ABL2: variants seen among roughly 807,000 people sequenced by gnomAD.
ABL2 encodes ABL proto-oncogene 2, non-receptor tyrosine kinase, also known as tyrosine-protein kinase ABL2.
ABL2 carries 49 observed loss-of-function variants against 107.7 expected under a neutral mutation model. The ratio of observed to expected loss-of-function variants is 0.45; its 90% CI spans 0.36 to 0.58. The LOEUF (loss-of-function observed/expected upper bound fraction) is 0.58, where lower values mean the gene tolerates loss of function less well. ABL2 is among the 20% of genes least tolerant of loss of function. The pLI is 0.00. For synonymous variants in ABL2, 549 were observed against 548.6 expected, an observed-to-expected ratio of 1.00 and a Z score of -0.01; for missense variants, 1,245 against 1,457.0, an observed-to-expected ratio of 0.85 and a Z score of 2.37.
rs1656541598 is a variant in ABL2 at position 179,133,451 on chromosome 1, T to C, written c.158-77A>G. The stretch of plus-strand genomic sequence containing the variant: ...TTTAACATCAAGCTAAAGTCTCCTT[T>C]TCATGGCATTCAAAGGCCTTTCATG... On this transcript the variant is annotated intron_variant, in intron 1 of 11. Coordinates refer to ENST00000502732, the MANE Select transcript of ABL2 (RefSeq NM_007314.4). 1.7e-5 allele frequency: 27 copies of C among 1,611,184 alleles called. No homozygotes were observed. In the South Asian group the frequency reaches 2.6e-4, roughly 16 times the overall value.
intron 1 of ABL2, among the ~76,000 whole-genome samples, chr1:179,170,526 C>T (rs889931142): frequency 2.0e-5 from 3 of 152,136 alleles, no homozygotes; most frequent in African/African-American, 7.2e-5. Context: ...AAGCGATTCC[C>T]CTGCCTCAGC....
Position 179,107,613 on chromosome 1 carries a change from C to T in ABL2, c.*105G>A. On this transcript the variant is annotated 3_prime_UTR_variant, in exon 12 of 12. Coordinates refer to ENST00000502732, the MANE Select transcript of ABL2 (RefSeq NM_007314.4). ...ATCTGAGGTACTTCACATAAACACA[C>T]TCAAGTATGAGTCTTTCATTTTCTG... 2.0e-6 allele frequency: 3 copies of T among 1,510,218 alleles called. No homozygotes were observed. Among genetic ancestry groups the T allele is most frequent in the Admixed American group, 2.3e-5 (1 of 43,622 alleles). 93.6% of individuals were successfully genotyped at this position (1,510,218 alleles called of 1,614,324 possible).
chr1:179,193,137 A>C (rs1335440068), intron 1 of ABL2, among the ~76,000 whole-genome samples: 3 of 152,168 alleles, frequency 2.0e-5, no homozygotes, highest in Non-Finnish European at 4.4e-5. Flanking sequence ...AAAAAAGGGC[A>C]CAACTTGCAA....
intron 1 of ABL2, among the ~76,000 whole-genome samples, chr1:179,139,032 A>T (rs1018838906): frequency 2.6e-5 from 4 of 152,180 alleles, no homozygotes; most frequent in African/African-American, 9.7e-5. Flanking sequence ...CAGCAGTGCC[A>T]GCCCACCGGT....
intron 1 of ABL2, among the ~76,000 whole-genome samples, chr1:179,149,806 A>T (rs1323186454): frequency 6.6e-6 from 1 of 152,220 alleles, no homozygotes; most frequent in Non-Finnish European, 1.5e-5. Context: ...TTCCTTTCCA[A>T]ATATTACTGC....
At chr1:179,175,377 C>G (rs920176869) in intron 1 of ABL2, among the ~76,000 whole-genome samples, 3 of 152,198 alleles carry the variant, frequency 2.0e-5, no homozygotes, top group Non-Finnish European at 4.4e-5. Context: ...ACCCTTTTCC[C>G]TGGTCCCCTT....
At chr1:179,115,068 C>A in intron 8 of ABL2, 38 bp from the exon 9 acceptor site, 1 of 1,541,692 alleles carries the variant, frequency 6.5e-7, no homozygotes, top group Admixed American at 2.1e-5. Context: ...AGTGTTTCTT[C>A]TCCGATTATT....
intron 1 of ABL2, among the ~76,000 whole-genome samples, chr1:179,138,671 G>A (rs1203939821): frequency 1.3e-5 from 2 of 152,140 alleles, no homozygotes; most frequent in Admixed American, 6.5e-5. Flanking sequence ...AGGTGACAGT[G>A]TGCTGGCAGT....
intron 1 of ABL2, among the ~76,000 whole-genome samples, chr1:179,218,220 GACCTCTAATGTACGAACTT>G (rs1558006432): frequency 6.6e-6 from 1 of 152,070 alleles, no homozygotes; most frequent in East Asian, 1.9e-4. Context: ...TCTCTCAAGA[GACCTCTAATGTACGAACTT>G]TTAGAGATAA....
intron 1 of ABL2, among the ~76,000 whole-genome samples, chr1:179,196,051 A>T: frequency 6.6e-6 from 1 of 152,218 alleles, no homozygotes; most frequent in Non-Finnish European, 1.5e-5. Flanking sequence ...GCACTTTGGC[A>T]GGCCGAGGTG....
intron 1 of ABL2, among the ~76,000 whole-genome samples, chr1:179,171,487 T>A (rs1659715117): frequency 6.6e-6 from 1 of 152,230 alleles, no homozygotes; most frequent in Non-Finnish European, 1.5e-5. Context: ...AGGAACTCTG[T>A]GAAACCTCAA....
At chr1:179,131,861 G>T (rs987632364) in intron 2 of ABL2, among the ~76,000 whole-genome samples, 1 of 152,152 alleles carries the variant, frequency 6.6e-6, no homozygotes, top group African/African-American at 2.4e-5. Flanking sequence ...AGTAGTGGTT[G>T]TAGTTTTAAG....
intron 11 of ABL2, 50 bp downstream of exon 11, chr1:179,110,232 T>C (rs1653912982): frequency 6.2e-7 from 1 of 1,608,338 alleles, no homozygotes; most frequent in South Asian, 1.1e-5. Flanking sequence ...CCCATGCTTC[T>C]TTAAACAAGG....
intron 1 of ABL2, among the ~76,000 whole-genome samples, chr1:179,205,034 T>C (rs1395870871): frequency 6.6e-6 from 1 of 150,712 alleles, no homozygotes; most frequent in East Asian, 2.0e-4. Flanking sequence ...TTTTTCTTTT[T>C]TTTTTTTTTT....
chr1:179,173,033 T>C (rs935945229), intron 1 of ABL2, among the ~76,000 whole-genome samples: 1 of 151,812 alleles, frequency 6.6e-6, no homozygotes, highest in African/African-American at 2.4e-5. Context: ...TTACTAAAAA[T>C]ACAAAAATTA....
intron 1 of ABL2, among the ~76,000 whole-genome samples, chr1:179,154,189 A>C (rs1415551295): frequency 6.6e-6 from 1 of 152,228 alleles, no homozygotes; most frequent in Admixed American, 6.5e-5. Flanking sequence ...CCAACTGCCC[A>C]AAAGTATAAA....
At chr1:179,208,721 T>C (rs1662113059) in intron 1 of ABL2, among the ~76,000 whole-genome samples, 1 of 152,166 alleles carries the variant, frequency 6.6e-6, no homozygotes, top group Non-Finnish European at 1.5e-5. Flanking sequence ...TATGTTCAGC[T>C]CTTAGAGCAG....
Position 179,100,817 on chromosome 1 carries a change from CT to C in ABL2, c.*6900del. 4.3e-6 allele frequency: 1 copy of C among 232,564 alleles called. No individual in the cohort carries two copies. Among genetic ancestry groups the C allele is most frequent in the Non-Finnish European group, 8.5e-6 (1 of 117,616 alleles). The allele number at this position is 232,564 out of a possible 1,614,324, so 14.4% of individuals were successfully genotyped here. On this transcript the variant is annotated 3_prime_UTR_variant, in exon 12 of 12. Transcript: ENST00000502732. Reference sequence around the variant, plus strand: ...GTCTGAGGACAGTGCTGTGCCTGGCCTTTCCCCTTCAACACGCCAGCTGCTC... The same window carrying C: ...GTCTGAGGACAGTGCTGTGCCTGGCCTTCCCCTTCAACACGCCAGCTGCTC...
intron 1 of ABL2, among the ~76,000 whole-genome samples, chr1:179,185,012 G>C (rs1423020823): frequency 1.3e-5 from 2 of 152,178 alleles, no homozygotes; most frequent in Non-Finnish European, 2.9e-5. Flanking sequence ...GGAAGCTGGA[G>C]GGTGCTAGGC....
Sources: allele counts gnomAD v4.1 joint callset (sites outside exome capture counted in the v4.1 genomes callset), GRCh38; gene constraint gnomAD v4.1.1; transcripts MANE v1.5; gene names NCBI Gene and HGNC (gene_info 2026-07-23, HGNC 2026-07-21).